CPVL: variants seen among roughly 807,000 people sequenced by gnomAD.
The protein encoded by CPVL is carboxypeptidase vitellogenic like, also known as probable serine carboxypeptidase CPVL.
In CPVL, 51 loss-of-function variants were observed where a neutral mutation model predicts 63.7. That is an observed-to-expected ratio of 0.80 (90% CI 0.64 to 1.01). The LOEUF (loss-of-function observed/expected upper bound fraction) is 1.01. CPVL is among the 50% of genes least tolerant of loss of function. The pLI is 0.00. For missense variants in CPVL, 530 were observed against 573.1 expected, an observed-to-expected ratio of 0.92 and a Z score of 0.77; for synonymous variants, 195 against 206.0, an observed-to-expected ratio of 0.95 and a Z score of 0.46.
chr7:29,088,632 T>C (rs961003190), intron 6 of CPVL, among the ~76,000 whole-genome samples: 7 of 152,148 alleles, frequency 4.6e-5, no homozygotes, highest in Non-Finnish European at 8.8e-5. Context: ...TTCTAGAAAA[T>C]AGAATCTAGA....
intron 5 of CPVL, among the ~76,000 whole-genome samples, chr7:29,168,406 A>G (rs1481957152): frequency 6.6e-6 from 1 of 152,210 alleles, no homozygotes; most frequent in African/African-American, 2.4e-5. Flanking sequence ...TCAAGCATAC[A>G]AAATAGAATA....
intron 5 of CPVL, among the ~76,000 whole-genome samples, chr7:29,161,595 A>G (rs962872818): frequency 6.6e-6 from 1 of 152,092 alleles, no homozygotes; most frequent in Admixed American, 6.6e-5. Context: ...TGTATTCTCT[A>G]AGCCTCTGCT....
intron 5 of CPVL, among the ~76,000 whole-genome samples, chr7:29,167,894 A>G (rs1409077920): frequency 6.6e-6 from 1 of 152,208 alleles, no homozygotes; most frequent in East Asian, 1.9e-4. Context: ...TACTGATGCA[A>G]AAACCCCCAT....
At chr7:29,039,695 G>A (rs1295688653) in intron 11 of CPVL, among the ~76,000 whole-genome samples, 1 of 151,744 alleles carries the variant, frequency 6.6e-6, no homozygotes, top group Admixed American at 6.6e-5. Context: ...TACTGACAGA[G>A]AACACAAAAC....
At position 29,072,306 on chromosome 7, in the gene CPVL, C is replaced by T. The variant is rs779858173; in HGVS notation, c.727G>A (p.Glu243Lys). The T allele has an allele frequency of 1.2e-5, 19 of 1,613,816 alleles. No individual in the cohort carries two copies. The highest frequency in any genetic ancestry group is 9.9e-5 in the South Asian group (9 of 91,026). Residue 243 changes from glutamate (E) to lysine (K), a missense_variant, in exon 8 of 13, where the codon GAA (glutamate) becomes AAA (lysine). Coordinates refer to ENST00000265394, the MANE Select transcript of CPVL (RefSeq NM_031311.5). ...AGTCAGAAGGAGAAACCTACTGATT[C>T]GGGATCAGAATATCCATCTCCAATA... is the stretch of plus-strand genomic sequence containing the variant. ...IAIGDGYSDPESIIGGYAEFL... is the reference protein window; with the variant it reads ...IAIGDGYSDPKSIIGGYAEFL...
chr7:29,026,867 A>G (rs985295809), intron 12 of CPVL, among the ~76,000 whole-genome samples: 1 of 152,136 alleles, frequency 6.6e-6, no homozygotes, highest in African/African-American at 2.4e-5. Flanking sequence ...CCAACAAAGG[A>G]AAGTCTAGAC....
At chr7:29,164,007 T>A (rs1795550354) in intron 5 of CPVL, among the ~76,000 whole-genome samples, 1 of 152,230 alleles carries the variant, frequency 6.6e-6, no homozygotes, top group Non-Finnish European at 1.5e-5. Flanking sequence ...TGTGGACATA[T>A]GCTTTCGTTT....
chr7:29,146,329 T>C, intron 1 of CPVL, 100 bp downstream of exon 1: 1 of 477,100 alleles, frequency 2.1e-6, no homozygotes, highest in Non-Finnish European at 3.7e-6. Context: ...TGCTGAGGGC[T>C]TTTGAGACTA....
At chr7:29,025,535 G>A (rs1381060333) in intron 12 of CPVL, among the ~76,000 whole-genome samples, 1 of 152,054 alleles carries the variant, frequency 6.6e-6, no homozygotes, top group African/African-American at 2.4e-5. Context: ...CCAATATTGG[G>A]AATCACATTT....
At chr7:29,056,949 CTTTTTT>C (rs70977101) in intron 11 of CPVL, among the ~76,000 whole-genome samples, 2 of 118,050 alleles carry the variant, frequency 1.7e-5, no homozygotes, top group Non-Finnish European at 3.4e-5. Flanking sequence ...TTTTCCTTTT[CTTTTTT>C]TTTTTTTTTT....
chr7:29,000,473 A>G (rs1299115273), intron 12 of CPVL, among the ~76,000 whole-genome samples: 2 of 151,474 alleles, frequency 1.3e-5, no homozygotes, highest in Non-Finnish European at 1.5e-5. Context: ...AACTGTGGGC[A>G]CGTGCAGCAG....
At chr7:29,122,595 A>G (rs1562780250) in intron 1 of CPVL, 1 of 152,188 alleles carries the variant, frequency 6.6e-6, no homozygotes, top group Non-Finnish European at 1.5e-5. Context: ...GGCCAAGGAA[A>G]AAAATCCTTG....
chr7:29,020,121 T>C (rs545559619), intron 12 of CPVL, among the ~76,000 whole-genome samples: 2 of 152,312 alleles, frequency 1.3e-5, no homozygotes, highest in East Asian at 3.9e-4. Context: ...CCTCCCAAGC[T>C]GGACGTTTTA....
chr7:29,136,896 G>A (rs2128664998), intron 1 of CPVL, among the ~76,000 whole-genome samples: 1 of 152,076 alleles, frequency 6.6e-6, no homozygotes, highest in South Asian at 2.1e-4. Context: ...ATTTTTCTCT[G>A]GCCCTGCATT....
At chr7:29,097,817 C>T (rs777227565) in intron 3 of CPVL, among the ~76,000 whole-genome samples, 4 of 152,146 alleles carry the variant, frequency 2.6e-5, no homozygotes, top group Non-Finnish European at 5.9e-5. Context: ...GAGGTCTGAG[C>T]GCTGCCCTGA....
intron 12 of CPVL, among the ~76,000 whole-genome samples, chr7:29,021,873 C>G (rs187080336): frequency 2.2e-4 from 33 of 152,180 alleles, no homozygotes; most frequent in African/African-American, 7.5e-4. Flanking sequence ...CTGCAGACAC[C>G]CCCCTACATC....
intron 7 of CPVL, among the ~76,000 whole-genome samples, chr7:29,077,502 T>C (rs1029472440): frequency 1.4e-4 from 22 of 152,134 alleles, no homozygotes; most frequent in Non-Finnish European, 2.8e-4. Context: ...GAGGGAGTTG[T>C]CAACTTCAGC....
chr7:29,142,622 T>C (rs112405060), intron 1 of CPVL, among the ~76,000 whole-genome samples: 99 of 149,838 alleles, frequency 6.6e-4, no homozygotes, highest in Middle Eastern at 3.5e-3. Flanking sequence ...TGCTGCCGGG[T>C]TGCAGCGATT....
chr7:29,070,486 C>CT (rs1326809681), intron 9 of CPVL, among the ~76,000 whole-genome samples: 6 of 152,206 alleles, frequency 3.9e-5, no homozygotes, highest in Non-Finnish European at 7.3e-5. Flanking sequence ...AGTTTCACTC[C>CT]TTCGTCCCCT....
Sources: allele counts gnomAD v4.1 joint callset (sites outside exome capture counted in the v4.1 genomes callset), GRCh38; gene constraint gnomAD v4.1.1; transcripts MANE v1.5; gene names NCBI Gene and HGNC (gene_info 2026-07-23, HGNC 2026-07-21).